Variants in KCNQ1 observed in about 807,000 individuals in gnomAD.
KCNQ1 encodes potassium voltage-gated channel subfamily KQT member 1.
Under a neutral mutation model 72.4 loss-of-function variants are expected in KCNQ1, and 49 were observed. The observed-to-expected ratio is 0.68, with a 90% confidence interval of 0.54 to 0.86. The LOEUF (loss-of-function observed/expected upper bound fraction) is 0.86, where lower values mean the gene tolerates loss of function less well. Ranked by LOEUF, KCNQ1 falls within the 40% of genes least tolerant of loss-of-function variation. The probability of loss-of-function intolerance (pLI) is 0.00; values close to 1 mark genes in which losing one functional copy is unlikely to be tolerated. For synonymous variants in KCNQ1, 450 were observed against 412.6 expected, an observed-to-expected ratio of 1.09 and a Z score of -1.10; for missense variants, 790 against 945.1, an observed-to-expected ratio of 0.84 and a Z score of 2.15.
rs1399095526 is a variant in KCNQ1, at chr11:2,725,401, G to A, written c.1515-43443G>A. Among the ~76,000 whole-genome samples, 1 of 152,240 alleles carries A rather than the reference G, an allele frequency of 6.6e-6. No homozygotes were observed. The highest frequency in any genetic ancestry group is 1.5e-5 in the Non-Finnish European group (1 of 68,048). On this transcript the variant is annotated intron_variant, in intron 11 of 15. Transcript: ENST00000155840. The surrounding 1 kb of genome is among the most constrained non-coding windows in gnomAD (Gnocchi z 7.2). Reference sequence around the variant, plus strand: ...CGGGTTCCTGCCTTCCAAAACAGGAGAGGCAACTTGGCCTGCTTTTTCCTC... The same window carrying A: ...CGGGTTCCTGCCTTCCAAAACAGGAAAGGCAACTTGGCCTGCTTTTTCCTC...
chr11:2,817,476 G>T lies in KCNQ1; in HGVS notation c.1795-30291G>T, dbSNP rs567939175. 2.6e-5 allele frequency among the ~76,000 whole-genome samples: 4 copies of T among 152,264 alleles called. No homozygotes were observed. Among genetic ancestry groups the T allele is most frequent in the African/African-American group, 9.6e-5 (4 of 41,550 alleles). On this transcript the variant is annotated intron_variant, in intron 15 of 15. Transcript: ENST00000155840. This position sits in a 1 kb window ranked among gnomAD's most constrained non-coding sequence, Gnocchi z 6.1. ...GGCAGCCACCCCAGCAGTCAGGGAA[G>T]GACCTGCTGGGGCATTTCAGATCCT...
intron 1 of KCNQ1, among the ~76,000 whole-genome samples, chr11:2,485,448 C>T (rs1471443967): frequency 1.4e-5 from 2 of 143,536 alleles, no homozygotes; most frequent in African/African-American, 5.1e-5. Context: ...AGAAAATACA[C>T]GTGTGTTTTC....
Position 2,494,057 on chromosome 11 carries a change from C to T in KCNQ1, c.387-33871C>T, listed in dbSNP as rs962458120. Among the ~76,000 whole-genome samples, 9 of 152,174 alleles carry T rather than the reference C, an allele frequency of 5.9e-5. No individual in the cohort carries two copies. The highest frequency in any genetic ancestry group is 3.9e-4 in the East Asian group (2 of 5,174). The stretch of plus-strand genomic sequence containing the variant: ...GTTTGTTGTTCTCCTTGAAGAGGTC[C>T]TTCACATCCCTTGTAAGTTGTATTC... On this transcript the variant is annotated intron_variant, in intron 1 of 15. Coordinates refer to ENST00000155840, the MANE Select transcript of KCNQ1 (RefSeq NM_000218.3). This position sits in a 1 kb window ranked among gnomAD's most constrained non-coding sequence, Gnocchi z 4.6.
rs1174136854 is a variant in KCNQ1 at position 2,559,375 on chromosome 11, C to G, written c.478-11253C>G. The stretch of plus-strand genomic sequence containing the variant: ...AGGAAAGCCCTGGATCTTGTTGACA[C>G]CCCGGGATGTGCCCTTGTGGCTACT... On this transcript the variant is annotated intron_variant, in intron 2 of 15. Transcript: ENST00000155840. The surrounding 1 kb of genome is among the most constrained non-coding windows in gnomAD (Gnocchi z 4.9). Among the ~76,000 whole-genome samples, 1 of 152,200 alleles carries G rather than the reference C, an allele frequency of 6.6e-6. No individual in the cohort carries two copies. The highest frequency in any genetic ancestry group is 2.4e-5 in the African/African-American group (1 of 41,458).
chr11:2,476,368 G>A (rs1846568490), intron 1 of KCNQ1, among the ~76,000 whole-genome samples: 1 of 152,190 alleles, frequency 6.6e-6, no homozygotes, highest in African/African-American at 2.4e-5. Flanking sequence ...CAATATTACT[G>A]TGTAATAGAT....
rs768792902 is a variant in KCNQ1, at chr11:2,656,769, TA to T, written c.1394-5184del. ...TCTCTCTCATGGTTATTGCTTCTTT[TA>T]AAAAAAACCATCCTAATGCTGATGT... On this transcript the variant is annotated intron_variant, in intron 10 of 15. Transcript: ENST00000155840. The T allele has an allele frequency of 1.5e-5, 6 of 398,328 alleles. 1 individual carries two copies. Among genetic ancestry groups the T allele is most frequent in the Middle Eastern group, 1.2e-3 (2 of 1,608 alleles). The allele number at this position is 398,328 out of a possible 1,614,324, so 24.7% of individuals were successfully genotyped here. A position where few individuals can be genotyped will look rare whatever the true frequency, so the allele number is the denominator to read the frequency against.
chr11:2,658,904 C>A lies in KCNQ1; in HGVS notation c.1394-3057C>A. Reference sequence around the variant, plus strand: ...GTGTAACCCTATTGTACACGTAGTACCCTATGTGAAGCAAATTTACCTACT... The same window carrying A: ...GTGTAACCCTATTGTACACGTAGTAACCTATGTGAAGCAAATTTACCTACT... On this transcript the variant is annotated intron_variant, in intron 10 of 15. Coordinates refer to ENST00000155840, the MANE Select transcript of KCNQ1 (RefSeq NM_000218.3). The surrounding 1 kb of genome is among the most constrained non-coding windows in gnomAD (Gnocchi z 4.9). The A allele has an allele frequency of 2.5e-6, 1 of 398,464 alleles. No homozygotes were observed. The highest frequency in any genetic ancestry group is 4.4e-6 in the Non-Finnish European group (1 of 226,010). The allele number at this position is 398,464 out of a possible 1,614,324, so 24.7% of individuals were successfully genotyped here.
In KCNQ1 at chr11:2,651,112, T is replaced by A; in HGVS notation, c.1394-10849T>A. ...TGATTTCCACTCTTGCTTCCTGTAC[T>A]CCATTCTTCACATAACAGCTCAAGG... On this transcript the variant is annotated intron_variant, in intron 10 of 15. Transcript: ENST00000155840. The surrounding 1 kb of genome is among the most constrained non-coding windows in gnomAD (Gnocchi z 6.1). The A allele has an allele frequency of 2.5e-6, 1 of 398,694 alleles. No individual in the cohort carries two copies. The highest frequency in any genetic ancestry group is 2.1e-5 in the African/African-American group (1 of 48,760). 24.7% of individuals were successfully genotyped at this position (398,694 alleles called of 1,614,324 possible).
Position 2,515,027 on chromosome 11 carries a change from T to A in KCNQ1, c.387-12901T>A, listed in dbSNP as rs980144880. Among the ~76,000 whole-genome samples the A allele has an allele frequency of 2.6e-5, 4 of 151,904 alleles. No individual in the cohort carries two copies. The highest frequency in any genetic ancestry group is 9.7e-5 in the African/African-American group (4 of 41,442). On this transcript the variant is annotated intron_variant, in intron 1 of 15. Transcript: ENST00000155840. This position sits in a 1 kb window ranked among gnomAD's most constrained non-coding sequence, Gnocchi z 4.7. The stretch of plus-strand genomic sequence containing the variant: ...TGCCTGCTTCCTCAAGTCTTTCTTG[T>A]TTTTTTATGTTATTTTATTTTAGAT...
rs1272125640 is a variant in KCNQ1 at position 2,735,974 on chromosome 11, C to G, written c.1515-32870C>G. ...GGTGAGAGGACCCCACGCCCTTCCT[C>G]CAGTGTGTCTGGAGCCCCTTCCCTG... On this transcript the variant is annotated intron_variant, in intron 11 of 15. Coordinates refer to ENST00000155840, the MANE Select transcript of KCNQ1 (RefSeq NM_000218.3). The surrounding 1 kb of genome is among the most constrained non-coding windows in gnomAD (Gnocchi z 7.7). Among the ~76,000 whole-genome samples the G allele has an allele frequency of 1.3e-5, 2 of 152,184 alleles. No individual in the cohort carries two copies. The highest frequency in any genetic ancestry group is 2.9e-5 in the Non-Finnish European group (2 of 68,020).
rs1847822682 is a variant in KCNQ1 at position 2,541,511 on chromosome 11, G to A, written c.477+13493G>A. 6.6e-6 allele frequency among the ~76,000 whole-genome samples: 1 copy of A among 152,030 alleles called. No individual in the cohort carries two copies. The highest frequency in any genetic ancestry group is 2.1e-4 in the South Asian group (1 of 4,818). ...CTTTTCGTTGGTTAGTTCTCAGTGT[G>A]GCCTACCCAGCCAGGTCCCTGGACC... On this transcript the variant is annotated intron_variant, in intron 2 of 15. Transcript: ENST00000155840. This position sits in a 1 kb window ranked among gnomAD's most constrained non-coding sequence, Gnocchi z 4.8.
rs940460335 is a variant in KCNQ1, at chr11:2,447,650, G to A, written c.386+2166G>A. Among the ~76,000 whole-genome samples the A allele has an allele frequency of 3.3e-5, 5 of 152,190 alleles. No individual in the cohort carries two copies. Among genetic ancestry groups the A allele is most frequent in the African/African-American group, 7.2e-5 (3 of 41,444 alleles). On this transcript the variant is annotated intron_variant, in intron 1 of 15. Coordinates refer to ENST00000155840, the MANE Select transcript of KCNQ1 (RefSeq NM_000218.3). This position sits in a 1 kb window ranked among gnomAD's most constrained non-coding sequence, Gnocchi z 7.6. ...CTCACGAAATCAGGTCCAGCCTTGC[G>A]CCAGTCCAGCCTTGTGTTGCTGTAA...
chr11:2,791,276 C>T (rs1211695032), intron 15 of KCNQ1, among the ~76,000 whole-genome samples: 1 of 152,168 alleles, frequency 6.6e-6, no homozygotes. Flanking sequence ...GATCTATAAT[C>T]GACAGCATCA....
chr11:2,835,667 T>G (rs1350312924), intron 15 of KCNQ1, among the ~76,000 whole-genome samples: 1 of 151,924 alleles, frequency 6.6e-6, no homozygotes, highest in Non-Finnish European at 1.5e-5. Flanking sequence ...GAGAGGAAAG[T>G]GGAGCAGGAG....
In KCNQ1 at chr11:2,612,851, T is replaced by G; in HGVS notation, c.1393+23997T>G. The G allele has an allele frequency of 2.5e-6, 1 of 398,622 alleles. No individual in the cohort carries two copies. Among genetic ancestry groups the G allele is most frequent in the Non-Finnish European group, 4.4e-6 (1 of 226,058 alleles). The allele number at this position is 398,622 out of a possible 1,614,324, so 24.7% of individuals were successfully genotyped here. On this transcript the variant is annotated intron_variant, in intron 10 of 15. Transcript: ENST00000155840. The surrounding 1 kb of genome is among the most constrained non-coding windows in gnomAD (Gnocchi z 5.5). ...ACTTTAGATAATATATCGTAGAAACTCTGGATTCTAGTTCTTCTCCCTAAC... is the reference window on the plus strand; with the variant it reads ...ACTTTAGATAATATATCGTAGAAACGCTGGATTCTAGTTCTTCTCCCTAAC...
intron 11 of KCNQ1, chr11:2,686,051 G>C (rs1850484479): frequency 2.5e-6 from 1 of 399,160 alleles, no homozygotes; most frequent in African/African-American, 2.1e-5. Flanking sequence ...CCATCTGATG[G>C]GGCAGGGGCA....
intron 15 of KCNQ1, among the ~76,000 whole-genome samples, chr11:2,779,479 G>A (rs1211993081): frequency 6.6e-6 from 1 of 152,160 alleles, no homozygotes; most frequent in Non-Finnish European, 1.5e-5. Flanking sequence ...CTGCAGCCAG[G>A]CAGGCGGGGC....
At chr11:2,837,483 G>T (rs754372364) in intron 15 of KCNQ1, among the ~76,000 whole-genome samples, 3 of 152,230 alleles carry the variant, frequency 2.0e-5, no homozygotes, top group Non-Finnish European at 4.4e-5. Flanking sequence ...CTCCCTGCTC[G>T]AGAGGTGACC....
rs962476700 is a variant in KCNQ1 at position 2,592,009 on chromosome 11, G to T, written c.1393+3155G>T. On this transcript the variant is annotated intron_variant, in intron 10 of 15. Transcript: ENST00000155840. The surrounding 1 kb of genome is among the most constrained non-coding windows in gnomAD (Gnocchi z 5.2). The stretch of plus-strand genomic sequence containing the variant: ...CCCCACAGCCCCACTCCCGCAAGGC[G>T]GGTACGAACAGCCACACTGAGTCCC... Among the ~76,000 whole-genome samples the T allele has an allele frequency of 1.3e-5, 2 of 152,252 alleles. No homozygotes were observed. Among genetic ancestry groups the T allele is most frequent in the African/African-American group, 4.8e-5 (2 of 41,464 alleles).
Sources: gnomAD v4.1 joint callset for allele counts (sites outside exome capture counted in the v4.1 genomes callset) on GRCh38, gnomAD v4.1.1 for gene constraint, Gnocchi (gnomAD v3.1) non-coding constraint, MANE v1.5 for transcripts, NCBI Gene and HGNC (gene_info 2026-07-23, HGNC 2026-07-21) for gene names.